Variants in ADAM12 observed in about 807,000 individuals in gnomAD.
ADAM12 encodes the protein disintegrin and metalloproteinase domain-containing protein 12.
Under a neutral mutation model 106.4 loss-of-function variants are expected in ADAM12, and 70 were observed. That is an observed-to-expected ratio of 0.66 (90% CI 0.54 to 0.80). The LOEUF (loss-of-function observed/expected upper bound fraction) is 0.80, where lower values mean the gene tolerates loss of function less well. Ranked by LOEUF, ADAM12 falls within the 30% of genes least tolerant of loss-of-function variation. The pLI is 0.00. For synonymous variants in ADAM12, 420 were observed against 433.5 expected (o/e 0.97, Z 0.39); for missense variants, 1,010 against 1,171.9 (o/e 0.86, Z 2.02).
At chr10:126,269,324 C>T (rs1707486095) in intron 3 of ADAM12, among the ~76,000 whole-genome samples, 1 of 152,286 alleles carries the variant, frequency 6.6e-6, no homozygotes, top group Admixed American at 6.5e-5. Context: ...AGGAAGGCAG[C>T]CCAGTAGGTT....
intron 8 of ADAM12, among the ~76,000 whole-genome samples, chr10:126,103,177 T>C (rs530440647): frequency 6.6e-6 from 1 of 152,318 alleles, no homozygotes; most frequent in Admixed American, 6.5e-5. Context: ...CATCTCCACC[T>C]ACTAGGCTTC....
chr10:126,116,106 C>G (rs1955977583), intron 6 of ADAM12, among the ~76,000 whole-genome samples: 1 of 152,126 alleles, frequency 6.6e-6, no homozygotes. Context: ...CTCCACAAGT[C>G]AAAATGACTG....
intron 2 of ADAM12, among the ~76,000 whole-genome samples, chr10:126,313,045 A>C (rs1342320537): frequency 2.6e-5 from 4 of 152,222 alleles, no homozygotes; most frequent in Non-Finnish European, 4.4e-5. Context: ...TTGCAGCAGA[A>C]ATGCAGAGCA....
chr10:126,309,589 C>G (rs937776566), intron 2 of ADAM12, among the ~76,000 whole-genome samples: 1 of 152,120 alleles, frequency 6.6e-6, no homozygotes, highest in African/African-American at 2.4e-5. Context: ...GCACTGGGTC[C>G]AGAAAATGGA....
intron 18 of ADAM12, chr10:126,041,431 C>T (rs1351120052): frequency 1.0e-6 from 1 of 985,656 alleles, no homozygotes; most frequent in Non-Finnish European, 1.2e-6. Context: ...AACATTCTTA[C>T]TTGTTAAATG....
chr10:126,227,015 T>A (rs1047808862), intron 3 of ADAM12, among the ~76,000 whole-genome samples: 1 of 152,256 alleles, frequency 6.6e-6, no homozygotes, highest in East Asian at 1.9e-4. Context: ...AACATTTCTA[T>A]GAAGATAAGT....
chr10:126,340,873 G>A (rs1035061365), intron 1 of ADAM12, among the ~76,000 whole-genome samples: 25 of 151,876 alleles, frequency 1.6e-4, no homozygotes, highest in South Asian at 4.2e-4. Flanking sequence ...CCCCCACCAC[G>A]CCTGGCTAAT....
intron 3 of ADAM12, among the ~76,000 whole-genome samples, chr10:126,270,538 A>C (rs1379118334): frequency 6.6e-6 from 1 of 152,252 alleles, no homozygotes; most frequent in Non-Finnish European, 1.5e-5. Context: ...ATTAAACTTA[A>C]TTTAAATAGC....
Position 126,062,894 on chromosome 10 carries a change from A to G in ADAM12, c.1609+1912T>C, listed in dbSNP as rs543849111. On this transcript the variant is annotated intron_variant, in intron 14 of 22. Transcript: ENST00000448723. ...GACGGCACTAGGGATGCCTGAAGCC[A>G]TGAAGATTTGGCCTGCAGCAGTAGC... 2.4e-4 allele frequency among the ~76,000 whole-genome samples: 36 copies of G among 152,360 alleles called. No individual in the cohort carries two copies. In the East Asian group the frequency reaches 6.6e-3, roughly 28 times the overall value.
intron 5 of ADAM12, among the ~76,000 whole-genome samples, chr10:126,132,184 A>G (rs972882558): frequency 6.6e-6 from 1 of 152,164 alleles, no homozygotes; most frequent in African/African-American, 2.4e-5. Flanking sequence ...CATGTTGGCC[A>G]GAATGGTCTC....
At chr10:126,288,402 T>C (rs1959980348) in intron 2 of ADAM12, among the ~76,000 whole-genome samples, 1 of 152,098 alleles carries the variant, frequency 6.6e-6, no homozygotes. Context: ...ATCCTCCTGC[T>C]CAGTTTATTT....
chr10:126,044,960 G>T (rs1001333611), intron 17 of ADAM12, among the ~76,000 whole-genome samples: 1 of 152,156 alleles, frequency 6.6e-6, no homozygotes, highest in African/African-American at 2.4e-5. Context: ...GGTGCTGCCG[G>T]GAGCCTGCCC....
At chr10:126,166,421 C>T (rs997640922) in intron 3 of ADAM12, among the ~76,000 whole-genome samples, 2 of 152,204 alleles carry the variant, frequency 1.3e-5, no homozygotes, top group Admixed American at 1.3e-4. Flanking sequence ...GCTGTTTTCT[C>T]CCCTTTCAAA....
chr10:126,052,970 A>G (rs776568106), intron 14 of ADAM12, among the ~76,000 whole-genome samples: 2 of 152,102 alleles, frequency 1.3e-5, no homozygotes, highest in African/African-American at 2.4e-5. Flanking sequence ...ATAATTCCCA[A>G]TGTTGGAGGT....
At chr10:126,203,939 CGT>C (rs56035821) in intron 3 of ADAM12, among the ~76,000 whole-genome samples, 102,788 of 149,964 alleles carry the variant, frequency 0.69, 37,049 homozygotes, top group Non-Finnish European at 0.81. Flanking sequence ...CGCGCGCGCG[CGT>C]GTGTGTGTGT....
intron 3 of ADAM12, among the ~76,000 whole-genome samples, chr10:126,178,332 T>C (rs1023180174): frequency 6.6e-6 from 1 of 151,798 alleles, no homozygotes; most frequent in African/African-American, 2.4e-5. Context: ...TAAACTCAAA[T>C]TAATAAAACA....
intron 9 of ADAM12, among the ~76,000 whole-genome samples, chr10:126,099,629 C>T (rs954903530): frequency 6.6e-6 from 1 of 152,098 alleles, no homozygotes; most frequent in Non-Finnish European, 1.5e-5. Flanking sequence ...TTTAGTAGTT[C>T]AAGACTAATC....
At chr10:126,139,087 C>A (rs569986483) in intron 4 of ADAM12, among the ~76,000 whole-genome samples, 1 of 152,304 alleles carries the variant, frequency 6.6e-6, no homozygotes, top group South Asian at 2.1e-4. Context: ...AGATGAATTA[C>A]AGAATCCAAT....
intron 21 of ADAM12, among the ~76,000 whole-genome samples, chr10:126,028,044 A>G (rs1200068585): frequency 6.6e-6 from 1 of 152,194 alleles, no homozygotes; most frequent in Admixed American, 6.5e-5. Flanking sequence ...CTATACACCA[A>G]CAGGCAAGCC....
Sources: allele counts gnomAD v4.1 joint callset (sites outside exome capture counted in the v4.1 genomes callset), GRCh38; gene constraint gnomAD v4.1.1; transcripts MANE v1.5; gene names NCBI Gene and HGNC (gene_info 2026-07-23, HGNC 2026-07-21).